TYW1: variants seen among roughly 807,000 people sequenced by gnomAD.
TYW1 encodes the protein tRNA-yW synthesizing protein 1 homolog, also known as S-adenosyl-L-methionine-dependent tRNA 4-demethylwyosine synthase TYW1.
Under a neutral mutation model 96.2 loss-of-function variants are expected in TYW1, and 46 were observed. That is an observed-to-expected ratio of 0.48 (90% confidence interval 0.38 to 0.61). The LOEUF (loss-of-function observed/expected upper bound fraction) is 0.61. TYW1 is among the 20% of genes least tolerant of loss of function. TYW1 has a pLI of 0.00. For synonymous variants in TYW1, 274 were observed against 323.0 expected (o/e 0.85, Z 1.63); for missense variants, 684 against 909.6 (o/e 0.75, Z 3.19).
chr7:67,197,284 C>T (rs1800425486), intron 15 of TYW1, among the ~76,000 whole-genome samples: 1 of 151,642 alleles, frequency 6.6e-6, no homozygotes, highest in Non-Finnish European at 1.5e-5. Context: ...TTTTTAAATC[C>T]TCACAGCATC....
intron 12 of TYW1, among the ~76,000 whole-genome samples, chr7:67,105,886 C>CTTTTT (rs11330425): frequency 1.3e-4 from 8 of 61,394 alleles, no homozygotes; most frequent in East Asian, 5.4e-4. Flanking sequence ...AGAGAATATT[C>CTTTTT]TTTTTTTTTT....
intron 9 of TYW1, among the ~76,000 whole-genome samples, chr7:67,060,617 A>G (rs1416745803): frequency 6.6e-6 from 1 of 152,130 alleles, no homozygotes; most frequent in Non-Finnish European, 1.5e-5. Flanking sequence ...CAGCACAGAC[A>G]TTTTCTTATT....
chr7:67,166,693 GCAGCTGTAATT>G (rs1017253692), intron 13 of TYW1, among the ~76,000 whole-genome samples: 18 of 152,176 alleles, frequency 1.2e-4, no homozygotes, highest in African/African-American at 4.3e-4. Flanking sequence ...CATGATGTGT[GCAGCTGTAATT>G]CATCCATTTT....
At chr7:66,998,470 A>T (rs1423951946) in intron 2 of TYW1, among the ~76,000 whole-genome samples, 1 of 152,216 alleles carries the variant, frequency 6.6e-6, no homozygotes, top group African/African-American at 2.4e-5. Flanking sequence ...AATTTGTTTT[A>T]TACCTTTAAG....
rs573433420 is a variant in TYW1 at position 67,183,450 on chromosome 7, A to G, written c.1809+214A>G. 3.7e-3 allele frequency among the ~76,000 whole-genome samples: 571 copies of G among 152,306 alleles called. 2 individuals carry two copies. Among genetic ancestry groups the G allele is most frequent in the Non-Finnish European group, 7.0e-3 (476 of 68,016 alleles). On this transcript the variant is annotated intron_variant, in intron 14 of 15. Transcript: ENST00000359626. ...GAAGACCAAGCTCTTGCTCTTATAA[A>G]GCTAGTATTTTAGTGGGAGGATGGA... is the stretch of plus-strand genomic sequence containing the variant.
At chr7:67,169,502 G>A (rs189906680) in intron 13 of TYW1, among the ~76,000 whole-genome samples, 2 of 152,156 alleles carry the variant, frequency 1.3e-5, no homozygotes, top group African/African-American at 2.4e-5. Flanking sequence ...CCGGGTTCAA[G>A]TGATTCTCCT....
intron 12 of TYW1, among the ~76,000 whole-genome samples, chr7:67,114,001 G>A (rs1042022150): frequency 5.9e-5 from 9 of 152,066 alleles, no homozygotes; most frequent in African/African-American, 1.9e-4. Flanking sequence ...CAGCTTCATC[G>A]TCTCTAAAAT....
At chr7:67,046,638 C>T (rs1357646378) in intron 7 of TYW1, among the ~76,000 whole-genome samples, 5 of 152,198 alleles carry the variant, frequency 3.3e-5, no homozygotes, top group South Asian at 2.1e-4. Flanking sequence ...ACAATGTCTG[C>T]ACCTAGCAGA....
chr7:67,038,177 C>T (rs1241769797), intron 7 of TYW1, among the ~76,000 whole-genome samples: 1 of 152,082 alleles, frequency 6.6e-6, no homozygotes, highest in African/African-American at 2.4e-5. Context: ...GTGGCAGATG[C>T]ATGTAGTCCC....
chr7:67,209,111 GCAC>G (rs1800911529), intron 15 of TYW1, among the ~76,000 whole-genome samples: 1 of 152,156 alleles, frequency 6.6e-6, no homozygotes, highest in Non-Finnish European at 1.5e-5. Flanking sequence ...AATTACTTTT[GCAC>G]CAACATAATA....
intron 9 of TYW1, among the ~76,000 whole-genome samples, chr7:67,056,878 C>T (rs1795534135): frequency 6.6e-6 from 1 of 152,148 alleles, no homozygotes; most frequent in Non-Finnish European, 1.5e-5. Flanking sequence ...TGTGGTTGTA[C>T]TACTTTATAC....
At chr7:66,997,101 A>G (rs1793193420) in intron 1 of TYW1, 119 bp downstream of exon 1, 1 of 1,555,276 alleles carries the variant, frequency 6.4e-7, no homozygotes. Context: ...GTTGCACTTG[A>G]CAGCACCGGC....
At chr7:67,204,934 T>C (rs930188404) in intron 15 of TYW1, among the ~76,000 whole-genome samples, 2 of 152,178 alleles carry the variant, frequency 1.3e-5, no homozygotes, top group African/African-American at 4.8e-5. Context: ...TGAAGCACAT[T>C]TGTGATGGCT....
At chr7:67,114,511 A>G (rs1212268078) in intron 12 of TYW1, 3 of 152,486 alleles carry the variant, frequency 2.0e-5, no homozygotes, top group East Asian at 3.9e-4. Context: ...CAGATCAAGA[A>G]TCCTGGGGCA....
chr7:67,173,856 G>A (rs989458391), intron 13 of TYW1, among the ~76,000 whole-genome samples: 2 of 139,986 alleles, frequency 1.4e-5, no homozygotes, highest in African/African-American at 5.6e-5. Context: ...GGTGTCATAT[G>A]CTTTTTGGCA....
At chr7:67,203,885 G>A (rs1052108896) in intron 15 of TYW1, among the ~76,000 whole-genome samples, 3 of 152,066 alleles carry the variant, frequency 2.0e-5, no homozygotes, top group African/African-American at 7.2e-5. Context: ...CATTCCTGAA[G>A]GATGTTTTTG....
At chr7:67,172,977 T>A (rs1799561543) in intron 13 of TYW1, among the ~76,000 whole-genome samples, 1 of 151,870 alleles carries the variant, frequency 6.6e-6, no homozygotes, top group Non-Finnish European at 1.5e-5. Context: ...AAAAATTAAC[T>A]GGGTATGGTG....
chr7:67,195,042 C>T lies in TYW1; in HGVS notation c.1810-128C>T, dbSNP rs1800344319. 26 of 1,051,116 alleles carry T rather than the reference C, an allele frequency of 2.5e-5. No individual in the cohort carries two copies. The Middle Eastern group carries it at 1.4e-3, about 58-fold the overall frequency. The allele number at this position is 1,051,116 out of a possible 1,614,324, so 65.1% of individuals were successfully genotyped here. ...GATTTTATCATCTCTATATTCACTT[C>T]CTTCACTGTAAAATACGGACTGGAT... is the stretch of plus-strand genomic sequence containing the variant. On this transcript the variant is annotated intron_variant, in intron 14 of 15. Coordinates refer to ENST00000359626, the MANE Select transcript of TYW1 (RefSeq NM_018264.4).
At chr7:67,113,826 A>G (rs1378953836) in intron 12 of TYW1, among the ~76,000 whole-genome samples, 1 of 151,724 alleles carries the variant, frequency 6.6e-6, no homozygotes, top group African/African-American at 2.4e-5. Context: ...TTTAGTAGAG[A>G]TGGGGTTTCA....
Sources: gnomAD v4.1 joint callset for allele counts (sites outside exome capture counted in the v4.1 genomes callset) on GRCh38, gnomAD v4.1.1 for gene constraint, MANE v1.5 for transcripts, NCBI Gene and HGNC (gene_info 2026-07-23, HGNC 2026-07-21) for gene names.